The following HIVEP3 variants were observed in gnomAD, a reference collection of about 807,000 sequenced individuals.
HIVEP3 encodes the protein HIVEP zinc finger 3.
HIVEP3 carries 49 observed loss-of-function variants against 152.8 expected under a neutral mutation model. That is an observed-to-expected ratio of 0.32 (90% confidence interval 0.26 to 0.41). The LOEUF (loss-of-function observed/expected upper bound fraction) is 0.41. Ranked by LOEUF, HIVEP3 falls within the 10% of genes least tolerant of loss-of-function variation. The pLI, the probability that HIVEP3 is intolerant of heterozygous loss-of-function variation, is 1.00. For synonymous variants in HIVEP3, 1,269 were observed against 1,289.0 expected (o/e 0.98, Z 0.33); for missense variants, 2,790 against 3,103.3 (o/e 0.90, Z 2.40).
chr1:41,720,276 C>T (rs1293022962), intron 1 of HIVEP3, among the ~76,000 whole-genome samples: 2 of 152,338 alleles, frequency 1.3e-5, no homozygotes, highest in Admixed American at 1.3e-4. Context: ...CAGACTGCAA[C>T]TCTTGAAGGG....
intron 1 of HIVEP3, among the ~76,000 whole-genome samples, chr1:41,771,266 G>A (rs1648338294): frequency 6.6e-6 from 1 of 151,978 alleles, no homozygotes; most frequent in Admixed American, 6.6e-5. Flanking sequence ...GGTCTGTGAA[G>A]ACCTTACCTC....
chr1:41,774,220 C>T (rs1648549547), intron 1 of HIVEP3, among the ~76,000 whole-genome samples: 3 of 152,196 alleles, frequency 2.0e-5, no homozygotes, highest in Admixed American at 2.0e-4. Flanking sequence ...TGCCAAGGTC[C>T]CTGAATAGGA....
At chr1:41,871,737 T>C (rs939190942) in intron 1 of HIVEP3, among the ~76,000 whole-genome samples, 9 of 152,242 alleles carry the variant, frequency 5.9e-5, no homozygotes, top group African/African-American at 2.2e-4. Flanking sequence ...TCAGTTCAAA[T>C]GTCTTATCAA....
intron 1 of HIVEP3, among the ~76,000 whole-genome samples, chr1:41,906,230 A>C (rs1644707619): frequency 6.6e-6 from 1 of 151,956 alleles, no homozygotes; most frequent in Admixed American, 6.5e-5. Flanking sequence ...AATCACTTGA[A>C]CCTGGGAGGT....
chr1:41,726,464 T>A (rs1005573995), intron 1 of HIVEP3, among the ~76,000 whole-genome samples: 3 of 152,158 alleles, frequency 2.0e-5, no homozygotes, highest in Admixed American at 6.5e-5. Context: ...TGGCAGTGGG[T>A]GACGTTTACA....
In HIVEP3 at chr1:41,737,429, T is replaced by A. The variant is rs139489227; in HGVS notation, c.-800-36434A>T. On this transcript the variant is annotated intron_variant, in intron 1 of 8. Transcript: ENST00000372583. ...TGAGATGAGACCTCTATCTCTGCCA[T>A]GAAGGGTCCCTGACTCTCCAAGACT... 1.6e-3 allele frequency among the ~76,000 whole-genome samples: 245 copies of A among 152,256 alleles called. 1 individual carries two copies. Among genetic ancestry groups the A allele is most frequent in the South Asian group, 3.5e-3 (17 of 4,822 alleles).
At position 41,704,536 on chromosome 1, in the gene HIVEP3, C is replaced by T. The variant is rs533073225; in HGVS notation, c.-800-3541G>A. Among the ~76,000 whole-genome samples the T allele has an allele frequency of 2.6e-5, 4 of 152,368 alleles. 1 individual carries two copies. The South Asian group carries it at 6.2e-4, about 24-fold the overall frequency. On this transcript the variant is annotated intron_variant, in intron 1 of 8. Transcript: ENST00000372583. ...GTGGTGGCTACAGACCCTTCCTTTACTCTGTTTCTCCCACTAAGACCCCAA... is the reference window on the plus strand; with the variant it reads ...GTGGTGGCTACAGACCCTTCCTTTATTCTGTTTCTCCCACTAAGACCCCAA...
At chr1:41,758,573 C>T (rs1241293702) in intron 1 of HIVEP3, among the ~76,000 whole-genome samples, 2 of 152,184 alleles carry the variant, frequency 1.3e-5, no homozygotes, top group African/African-American at 4.8e-5. Flanking sequence ...CTCTGGGGAC[C>T]AGAACCCAAG....
intron 1 of HIVEP3, among the ~76,000 whole-genome samples, chr1:41,708,086 G>A (rs146405329): frequency 7.2e-5 from 11 of 152,326 alleles, no homozygotes; most frequent in Admixed American, 1.3e-4. Flanking sequence ...CCAGGTGAGT[G>A]CACAGGGAGC....
chr1:41,794,636 A>T (rs1649884161), intron 1 of HIVEP3, among the ~76,000 whole-genome samples: 1 of 152,238 alleles, frequency 6.6e-6, no homozygotes, highest in Non-Finnish European at 1.5e-5. Context: ...TTTTATTTTT[A>T]AAAACTGCCA....
At chr1:41,827,176 G>A (rs562733206) in intron 1 of HIVEP3, among the ~76,000 whole-genome samples, 4 of 152,282 alleles carry the variant, frequency 2.6e-5, no homozygotes, top group East Asian at 1.9e-4. Flanking sequence ...ACAGGTAAGC[G>A]ACATGAACCT....
chr1:42,029,544 A>G (rs534392090), intron 1 of HIVEP3, among the ~76,000 whole-genome samples: 1 of 152,260 alleles, frequency 6.6e-6, no homozygotes, highest in South Asian at 2.1e-4. Flanking sequence ...AAAATCCGCA[A>G]CTGTGATACA....
intron 3 of HIVEP3, among the ~76,000 whole-genome samples, chr1:41,609,522 G>A (rs1298917708): frequency 1.3e-5 from 2 of 151,868 alleles, no homozygotes; most frequent in Non-Finnish European, 2.9e-5. Context: ...GAGATTCAGC[G>A]AGCTATCTAC....
At chr1:41,992,586 C>A (rs1407723665) in intron 1 of HIVEP3, among the ~76,000 whole-genome samples, 1 of 147,628 alleles carries the variant, frequency 6.8e-6, no homozygotes, top group Non-Finnish European at 1.5e-5. Context: ...AGGTAATTTA[C>A]AGATTCAATG....
rs533154794 is a variant in HIVEP3 at position 41,522,726 on chromosome 1, C to T, written c.5383+2009G>A. Among the ~76,000 whole-genome samples the T allele has an allele frequency of 6.6e-4, 100 of 152,328 alleles. 1 individual carries two copies. The highest frequency in any genetic ancestry group is 2.4e-3 in the African/African-American group (99 of 41,582). Reference sequence around the variant, plus strand: ...ATCTCCTAGAAAGTACGGGCTCCTGCTAGGGACCCAAGGCAAAGGGAATTG... The same window carrying T: ...ATCTCCTAGAAAGTACGGGCTCCTGTTAGGGACCCAAGGCAAAGGGAATTG... On this transcript the variant is annotated intron_variant, in intron 6 of 8. Transcript: ENST00000372583.
At chr1:41,952,455 G>C (rs1645114085) in intron 1 of HIVEP3, among the ~76,000 whole-genome samples, 1 of 131,630 alleles carries the variant, frequency 7.6e-6, no homozygotes. Context: ...CATTCATTGT[G>C]AAGTGTGTAG....
At chr1:41,884,266 C>T (rs1470497174) in intron 1 of HIVEP3, among the ~76,000 whole-genome samples, 3 of 152,176 alleles carry the variant, frequency 2.0e-5, no homozygotes, top group Non-Finnish European at 4.4e-5. Context: ...ACGTCATGAG[C>T]CCCCTCCAGT....
At chr1:41,817,381 GA>G (rs777172311) in intron 1 of HIVEP3, among the ~76,000 whole-genome samples, 2 of 152,144 alleles carry the variant, frequency 1.3e-5, no homozygotes, top group Non-Finnish European at 2.9e-5. Context: ...ACACAGCAGG[GA>G]AAAAAGGATG....
intron 5 of HIVEP3, among the ~76,000 whole-genome samples, chr1:41,551,643 T>C (rs1411379376): frequency 6.6e-6 from 1 of 152,352 alleles, no homozygotes; most frequent in East Asian, 1.9e-4. Flanking sequence ...CCATTTCTTC[T>C]AGATTTTCTA....
Sources: allele counts gnomAD v4.1 joint callset (sites outside exome capture counted in the v4.1 genomes callset), GRCh38; gene constraint gnomAD v4.1.1; transcripts MANE v1.5; gene names NCBI Gene and HGNC (gene_info 2026-07-23, HGNC 2026-07-21).